The following ITGBL1 variants were observed in gnomAD, a reference collection of about 807,000 sequenced individuals.
The protein encoded by ITGBL1 is integrin subunit beta like 1.
A neutral mutation model predicts 68.5 loss-of-function variants in ITGBL1; 51 were observed. The observed-to-expected ratio is 0.74, with a 90% CI of 0.59 to 0.94. The LOEUF (loss-of-function observed/expected upper bound fraction) is 0.94. Ranked by LOEUF, ITGBL1 falls within the 40% of genes least tolerant of loss-of-function variation. The probability of loss-of-function intolerance (pLI) is 0.00; values close to 1 mark genes in which losing one functional copy is unlikely to be tolerated. For synonymous variants in ITGBL1, 209 were observed against 227.3 expected (o/e 0.92, Z 0.72); for missense variants, 649 against 647.4 (o/e 1.00, Z -0.03).
chr13:101,626,110 C>T (rs372035034), intron 7 of ITGBL1, among the ~76,000 whole-genome samples: 82 of 152,224 alleles, frequency 5.4e-4, no homozygotes, highest in South Asian at 2.1e-4. Context: ...TGTAGACTAA[C>T]GGTATCAGCA....
At chr13:101,635,405 C>A (rs1566767993) in intron 7 of ITGBL1, among the ~76,000 whole-genome samples, 1 of 152,158 alleles carries the variant, frequency 6.6e-6, no homozygotes, top group East Asian at 1.9e-4. Flanking sequence ...AATATAATCT[C>A]TTTGAAATAA....
chr13:101,578,960 A>G (rs920379697), intron 4 of ITGBL1, among the ~76,000 whole-genome samples: 4 of 152,228 alleles, frequency 2.6e-5, no homozygotes, highest in Non-Finnish European at 5.9e-5. Context: ...GTGAATGCTC[A>G]TATATATTTG....
intron 2 of ITGBL1, among the ~76,000 whole-genome samples, chr13:101,468,727 G>C (rs1452647155): frequency 6.6e-6 from 1 of 152,098 alleles, no homozygotes. Flanking sequence ...AAGCTCAAAT[G>C]GTAAGAAAGT....
chr13:101,663,711 A>C (rs1273602791), intron 7 of ITGBL1, among the ~76,000 whole-genome samples: 1 of 152,212 alleles, frequency 6.6e-6, no homozygotes, highest in East Asian at 1.9e-4. Context: ...TTATGTATTT[A>C]AATTCTCTAA....
At chr13:101,719,745 A>C (rs2034859243), downstream of ITGBL1, 1 of 152,102 alleles carries the variant, frequency 6.6e-6, no homozygotes, top group African/African-American at 2.4e-5. Flanking sequence ...CAATGGACAT[A>C]TGCACATGGA....
chr13:101,654,887 A>G (rs980571817), intron 7 of ITGBL1, among the ~76,000 whole-genome samples: 7 of 152,184 alleles, frequency 4.6e-5, no homozygotes, highest in African/African-American at 1.7e-4. Context: ...GGGTCAAAGC[A>G]GTGCTGAGGA....
chr13:101,611,749 T>C (rs1400959575), intron 7 of ITGBL1, among the ~76,000 whole-genome samples: 8 of 152,094 alleles, frequency 5.3e-5, no homozygotes, highest in African/African-American at 1.7e-4. Flanking sequence ...TGCCTCCCTT[T>C]AACCTCTCTT....
intron 2 of ITGBL1, among the ~76,000 whole-genome samples, chr13:101,535,873 G>C (rs16959023): frequency 0.014 from 2,148 of 152,116 alleles, 47 homozygotes; most frequent in African/African-American, 0.049. Context: ...ATGGCTGTTA[G>C]GAACTATAAG....
At chr13:101,629,996 G>T (rs2139406238) in intron 7 of ITGBL1, among the ~76,000 whole-genome samples, 1 of 152,098 alleles carries the variant, frequency 6.6e-6, no homozygotes, top group Middle Eastern at 3.4e-3. Flanking sequence ...CTCATTTTTT[G>T]TATTTTTAGT....
At chr13:101,505,230 C>T (rs1226746775) in intron 2 of ITGBL1, among the ~76,000 whole-genome samples, 1 of 152,190 alleles carries the variant, frequency 6.6e-6, no homozygotes, top group African/African-American at 2.4e-5. Context: ...TTGTGCTTCT[C>T]TCCTTGTCAT....
At chr13:101,639,393 T>C (rs979985335) in intron 7 of ITGBL1, among the ~76,000 whole-genome samples, 1 of 152,122 alleles carries the variant, frequency 6.6e-6, no homozygotes, top group Non-Finnish European at 1.5e-5. Context: ...AAGATACACA[T>C]ATCTAATCAT....
intron 2 of ITGBL1, among the ~76,000 whole-genome samples, chr13:101,500,694 T>C (rs1401426720): frequency 1.3e-5 from 2 of 152,196 alleles, no homozygotes; most frequent in African/African-American, 4.8e-5. Flanking sequence ...TGTAAGTCAG[T>C]CATAGATGCA....
downstream of ITGBL1, chr13:101,716,704 C>T (rs2034736204): frequency 6.7e-6 from 1 of 149,658 alleles, no homozygotes. Context: ...GGATACCTTA[C>T]TTACTGGAAA....
intron 7 of ITGBL1, among the ~76,000 whole-genome samples, chr13:101,656,915 A>G (rs2032942758): frequency 6.8e-6 from 1 of 147,426 alleles, no homozygotes; most frequent in Non-Finnish European, 1.5e-5. Context: ...GTTTAATTAG[A>G]CTGTGTTCCC....
chr13:101,627,947 G>T (rs1488616519), intron 7 of ITGBL1, among the ~76,000 whole-genome samples: 4 of 152,184 alleles, frequency 2.6e-5, no homozygotes, highest in Non-Finnish European at 5.9e-5. Flanking sequence ...TAAGTTTTCA[G>T]TTCCTTTGGG....
intron 2 of ITGBL1, among the ~76,000 whole-genome samples, chr13:101,533,638 T>C (rs1283855008): frequency 6.6e-6 from 1 of 152,256 alleles, no homozygotes; most frequent in African/African-American, 2.4e-5. Flanking sequence ...CACTAAGTTT[T>C]GTTCATATTA....
At position 101,567,862 on chromosome 13, in the gene ITGBL1, G is replaced by A. The variant is rs1318699868; in HGVS notation, c.463+17G>A. 6.3e-7 allele frequency: 1 copy of A among 1,595,778 alleles called. No individual in the cohort carries two copies. Among genetic ancestry groups the A allele is most frequent in the Non-Finnish European group, 8.5e-7 (1 of 1,170,262 alleles). ...CTAATGCAGGTAAGAAGTATACCCT[G>A]TGAAAATTGTTAAGTGGAATAATCA... On this transcript the variant is annotated intron_variant, in intron 3 of 10. Transcript: ENST00000376180.
chr13:101,561,101 G>C (rs908251342), intron 2 of ITGBL1, among the ~76,000 whole-genome samples: 6 of 152,190 alleles, frequency 3.9e-5, no homozygotes, highest in African/African-American at 1.4e-4. Context: ...GCTTAGCTGG[G>C]TAGACATAAT....
intron 8 of ITGBL1, among the ~76,000 whole-genome samples, chr13:101,701,000 C>T (rs2034123831): frequency 6.6e-6 from 1 of 152,170 alleles, no homozygotes; most frequent in African/African-American, 2.4e-5. Flanking sequence ...GGGCCAATGC[C>T]TATTTTACTT....
Sources: gnomAD v4.1 joint callset for allele counts (sites outside exome capture counted in the v4.1 genomes callset) on GRCh38, gnomAD v4.1.1 for gene constraint, MANE v1.5 for transcripts, NCBI Gene and HGNC (gene_info 2026-07-23, HGNC 2026-07-21) for gene names.